MYO1E: variants seen among roughly 807,000 people sequenced by gnomAD.
The protein encoded by MYO1E is unconventional myosin-Ie.
Under a neutral mutation model 151.1 loss-of-function variants are expected in MYO1E, and 68 were observed. The ratio of observed to expected loss-of-function variants is 0.45; its 90% CI spans 0.37 to 0.55. The LOEUF (loss-of-function observed/expected upper bound fraction) is 0.55. Ranked by LOEUF, MYO1E falls within the 20% of genes least tolerant of loss-of-function variation. The pLI, the probability that MYO1E is intolerant of heterozygous loss-of-function variation, is 0.00. For synonymous variants in MYO1E, 601 were observed against 501.7 expected (o/e 1.20, Z -2.64); for missense variants, 1,363 against 1,389.3 (o/e 0.98, Z 0.30).
chr15:59,265,118 T>G (rs557589104), intron 2 of MYO1E: 10 of 152,294 alleles, frequency 6.6e-5, no homozygotes, highest in African/African-American at 2.2e-4. Flanking sequence ...CATCTTCACT[T>G]CAGAAGAGGA....
chr15:59,269,536 C>G (rs1010868537), intron 2 of MYO1E, among the ~76,000 whole-genome samples: 29 of 152,166 alleles, frequency 1.9e-4, no homozygotes, highest in Non-Finnish European at 1.5e-5. Flanking sequence ...AAACCTGCAA[C>G]TGAACATAAC....
chr15:59,348,638 T>C (rs1424716201), intron 1 of MYO1E: 1 of 151,856 alleles, frequency 6.6e-6, no homozygotes, highest in Non-Finnish European at 1.5e-5. Flanking sequence ...CAATATCATT[T>C]TTTTTTTTTT....
At chr15:59,224,322 C>A (rs75235080) in intron 8 of MYO1E, among the ~76,000 whole-genome samples, 2 of 152,196 alleles carry the variant, frequency 1.3e-5, no homozygotes, top group African/African-American at 4.8e-5. Flanking sequence ...ATGTCTAAAC[C>A]TATTCAGTCC....
chr15:59,233,563 C>A (rs897770179), intron 5 of MYO1E, among the ~76,000 whole-genome samples: 22 of 147,814 alleles, frequency 1.5e-4, no homozygotes, highest in Non-Finnish European at 2.8e-4. Context: ...ACTCGGGAGG[C>A]TGAGGCAGGA....
intron 2 of MYO1E, among the ~76,000 whole-genome samples, chr15:59,261,751 A>C (rs1462853477): frequency 1.3e-5 from 2 of 152,254 alleles, no homozygotes; most frequent in African/African-American, 4.8e-5. Context: ...TTTTAAATGA[A>C]CTAAAGCACA....
intron 4 of MYO1E, among the ~76,000 whole-genome samples, chr15:59,247,884 G>A (rs1351527081): frequency 1.3e-5 from 2 of 152,284 alleles, no homozygotes; most frequent in Middle Eastern, 3.4e-3. Flanking sequence ...CACTTTGGGA[G>A]GCTGAGGCAG....
intron 1 of MYO1E, among the ~76,000 whole-genome samples, chr15:59,316,126 G>A (rs1219820386): frequency 3.9e-5 from 6 of 152,162 alleles, no homozygotes; most frequent in Admixed American, 6.5e-5. Context: ...TGCAAAAACC[G>A]AAAAAGCATA....
intron 1 of MYO1E, among the ~76,000 whole-genome samples, chr15:59,332,855 G>C (rs191004384): frequency 6.6e-6 from 1 of 151,888 alleles, no homozygotes; most frequent in South Asian, 2.1e-4. Context: ...GAGCCACCAC[G>C]ACCGGCCCTG....
intron 26 of MYO1E, among the ~76,000 whole-genome samples, chr15:59,146,042 C>T (rs1205954331): frequency 1.3e-5 from 2 of 151,894 alleles, no homozygotes; most frequent in Non-Finnish European, 2.9e-5. Context: ...TTTTTAGAGA[C>T]AAGGTCTTGC....
chr15:59,175,655 G>A (rs905445031), intron 19 of MYO1E, among the ~76,000 whole-genome samples: 1 of 152,216 alleles, frequency 6.6e-6, no homozygotes, highest in Non-Finnish European at 1.5e-5. Flanking sequence ...CCCTGCAGTT[G>A]CCTGTTGTAA....
rs1566964386 is a variant in MYO1E, at chr15:59,149,055, T to TG, written c.3080+4534_3080+4535insC. On this transcript the variant is annotated intron_variant, in intron 26 of 27. Coordinates refer to ENST00000288235, the MANE Select transcript of MYO1E (RefSeq NM_004998.4). ...GATGAACTGTTTTTTTTTTTTTGTTTTTTTTTTTTTTTTTTTTTTGAGACA... is the reference window on the plus strand; with the variant it reads ...GATGAACTGTTTTTTTTTTTTTGTTTGTTTTTTTTTTTTTTTTTTTGAGACA... Among the ~76,000 whole-genome samples the TG allele has an allele frequency of 2.4e-4, 12 of 49,532 alleles. No homozygotes were observed. In the South Asian group the frequency reaches 3.2e-3, roughly 13 times the overall value. 32.5% of individuals were successfully genotyped at this position (49,532 alleles called of 152,430 possible).
At chr15:59,368,074 G>A (rs1407186687) in intron 1 of MYO1E, among the ~76,000 whole-genome samples, 2 of 152,094 alleles carry the variant, frequency 1.3e-5, no homozygotes, top group Non-Finnish European at 1.5e-5. Flanking sequence ...AACCGAGATC[G>A]CGCCAGTGCA....
chr15:59,271,434 T>C (rs1452841952), intron 2 of MYO1E, among the ~76,000 whole-genome samples: 3 of 152,354 alleles, frequency 2.0e-5, no homozygotes, highest in African/African-American at 2.4e-5. Flanking sequence ...TACTATTATA[T>C]AGATTTGACA....
chr15:59,160,124 C>G (rs2079529196), intron 24 of MYO1E, among the ~76,000 whole-genome samples: 1 of 152,150 alleles, frequency 6.6e-6, no homozygotes, highest in African/African-American at 2.4e-5. Context: ...GCATGAGCCA[C>G]CGTGCCTGGC....
chr15:59,182,888 G>C (rs1264297833), intron 18 of MYO1E, among the ~76,000 whole-genome samples: 1 of 152,228 alleles, frequency 6.6e-6, no homozygotes, highest in Non-Finnish European at 1.5e-5. Flanking sequence ...GGACGGGGTT[G>C]TGGGGATGGT....
At chr15:59,360,965 A>G (rs1337188064) in intron 1 of MYO1E, among the ~76,000 whole-genome samples, 1 of 152,222 alleles carries the variant, frequency 6.6e-6, no homozygotes, top group Non-Finnish European at 1.5e-5. Flanking sequence ...TGCTTCAGCC[A>G]ATGGGGATAA....
chr15:59,160,073 T>G (rs1228807682), intron 24 of MYO1E, among the ~76,000 whole-genome samples: 1 of 152,078 alleles, frequency 6.6e-6, no homozygotes, highest in Non-Finnish European at 1.5e-5. Context: ...TGACCTCAGG[T>G]AGTCCGCCTG....
chr15:59,268,720 A>ATTTTTTTTTTTTTTTTTTTTGTT (rs2080271970), intron 2 of MYO1E, among the ~76,000 whole-genome samples: 1 of 44,906 alleles, frequency 2.2e-5, no homozygotes, highest in African/African-American at 5.8e-5. Context: ...TGACTTTGGT[A>ATTTTTTTTTTTTTTTTTTTTGTT]TTTTTTTTTT....
chr15:59,251,364 T>C (rs930398441), intron 4 of MYO1E, among the ~76,000 whole-genome samples: 29 of 152,292 alleles, frequency 1.9e-4, no homozygotes, highest in Non-Finnish European at 7.3e-5. Flanking sequence ...AGTTTTGGTC[T>C]CTTCAAAAAG....
Sources: allele counts gnomAD v4.1 joint callset (sites outside exome capture counted in the v4.1 genomes callset), GRCh38; gene constraint gnomAD v4.1.1; transcripts MANE v1.5; gene names NCBI Gene and HGNC (gene_info 2026-07-23, HGNC 2026-07-21).